LIPA: variants seen among roughly 807,000 people sequenced by gnomAD.
LIPA encodes lysosomal acid lipase/cholesteryl ester hydrolase.
A neutral mutation model predicts 40.6 loss-of-function variants in LIPA; 26 were observed. That is an observed-to-expected ratio of 0.64 (90% CI 0.47 to 0.89). The LOEUF (loss-of-function observed/expected upper bound fraction) is 0.89. Among genes scored for constraint, LIPA ranks in the 40% least tolerant of loss-of-function variants. The probability of loss-of-function intolerance (pLI) is 0.00; values close to 1 mark genes in which losing one functional copy is unlikely to be tolerated. For missense variants in LIPA, 455 were observed against 479.6 expected, an observed-to-expected ratio of 0.95 and a Z score of 0.48; for synonymous variants, 188 against 168.4, an observed-to-expected ratio of 1.12 and a Z score of -0.90.
intron 1 of LIPA, among the ~76,000 whole-genome samples, chr10:89,261,888 G>A (rs7922193): frequency 0.45 from 68,189 of 151,958 alleles, 15,925 homozygotes; most frequent in East Asian, 0.81. Context: ...TGAACAGCCC[G>A]GTTGATTTTT....
chr10:89,410,044 G>C (rs1297643146), intron 2 of LIPA, among the ~76,000 whole-genome samples: 1 of 152,098 alleles, frequency 6.6e-6, no homozygotes, highest in African/African-American at 2.4e-5. Context: ...ATAGCTCCTG[G>C]GGTCCTTACT....
rs1843589886 is a variant in LIPA, at chr10:89,324,680, C to CA, written c.-2+17930dup. On this transcript the variant is annotated intron_variant, in intron 1 of 5. Coordinates refer to the LIPA transcript ENST00000282673. ...TTAAGCAAATTAACAAGCAAAAAAG[C>CA]AAACAGCTCCATTAAAAAGTGGGCA... Among the ~76,000 whole-genome samples, 3 of 152,154 alleles carry CA rather than the reference C, an allele frequency of 2.0e-5. No individual in the cohort carries two copies. In the South Asian group the frequency reaches 6.2e-4, roughly 32 times the overall value.
At chr10:89,297,691 ACT>A (rs1843423311) in intron 1 of LIPA, among the ~76,000 whole-genome samples, 1 of 152,090 alleles carries the variant, frequency 6.6e-6, no homozygotes, top group African/African-American at 2.4e-5. Flanking sequence ...AGCACCACAA[ACT>A]CTGTACTCGG....
chr10:89,332,394 C>T, intron 1 of LIPA: 1 of 1,026,410 alleles, frequency 9.7e-7, no homozygotes, highest in Non-Finnish European at 1.3e-6. Flanking sequence ...CTGTCTGGAA[C>T]ATGTTCCTGG....
chr10:89,347,656 CT>C (rs1475995015), upstream of LIPA, among the ~76,000 whole-genome samples: 2 of 152,124 alleles, frequency 1.3e-5, no homozygotes, highest in Non-Finnish European at 2.9e-5. Context: ...AGTATTTATC[CT>C]CTTTTAAGGA....
In LIPA at chr10:89,228,238, C is replaced by G; in HGVS notation, c.390G>C (p.Lys130Asn). 6.2e-7 allele frequency: 1 copy of G among 1,614,160 alleles called. No homozygotes were observed. Among genetic ancestry groups the G allele is most frequent in the South Asian group, 1.1e-5 (1 of 91,084 alleles). Residue 130 changes from lysine to asparagine, a missense_variant, in exon 4 of 10, where the codon AAG becomes AAC. By Grantham distance (94) the Lys-to-Asn change is moderately conservative. Coordinates refer to ENST00000336233, the MANE Select transcript of LIPA (RefSeq NM_000235.4). The part of the protein sequence containing the change: ...SRGNTWSRKH[K>N]TLSVSQDEFW... ...ATTCATCCTGAGAAACTGAGAGTGT[C>G]TTATGTTTCCGAGACCAGGTATTTC...
At chr10:89,321,661 C>T (rs1276158809) in intron 1 of LIPA, among the ~76,000 whole-genome samples, 2 of 152,186 alleles carry the variant, frequency 1.3e-5, no homozygotes, top group Non-Finnish European at 2.9e-5. Flanking sequence ...GACAGTGTGG[C>T]GATTCCTCAA....
intron 1 of LIPA, among the ~76,000 whole-genome samples, chr10:89,413,766 CAAAA>C (rs376455922): frequency 1.2e-5 from 1 of 82,888 alleles, no homozygotes; most frequent in African/African-American, 5.3e-5. Flanking sequence ...GACCCTGTCT[CAAAA>C]AAAAAAAAAA....
intron 1 of LIPA, chr10:89,306,692 G>A (rs377335206): frequency 6.2e-7 from 1 of 1,614,134 alleles, no homozygotes; most frequent in Middle Eastern, 1.6e-4. Flanking sequence ...AGCCCCAGGT[G>A]TAACAGATGT....
chr10:89,233,470 G>A (rs1842866919), intron 3 of LIPA, among the ~76,000 whole-genome samples: 1 of 152,340 alleles, frequency 6.6e-6, no homozygotes, highest in Admixed American at 6.5e-5. Context: ...ATCTTAAGCA[G>A]TGCACTAGAA....
intron 1 of LIPA, among the ~76,000 whole-genome samples, chr10:89,413,102 C>T (rs977093073): frequency 4.6e-5 from 7 of 152,162 alleles, no homozygotes; most frequent in African/African-American, 1.7e-4. Flanking sequence ...TGAGAACATG[C>T]AGTGTTTGGT....
intron 1 of LIPA, among the ~76,000 whole-genome samples, chr10:89,248,636 G>A (rs1478340329): frequency 1.3e-5 from 2 of 148,500 alleles, no homozygotes; most frequent in Admixed American, 6.7e-5. Flanking sequence ...CACCACGCCC[G>A]GCAAATTTTT....
rs144057304 is a variant in LIPA at position 89,402,263 on chromosome 10, C to A, written c.61+10528G>T. 101 of 1,523,950 alleles carry A rather than the reference C, an allele frequency of 6.6e-5. No homozygotes were observed. The African/African-American group carries it at 1.1e-3, about 16-fold the overall frequency. 94.4% of individuals were successfully genotyped at this position (1,523,950 alleles called of 1,614,324 possible). ...CTGTTCCTCACCTAACAAAGAAAATCTGTTTTTGTTTTTACAGTACAAATG... is the reference window on the plus strand; with the variant it reads ...CTGTTCCTCACCTAACAAAGAAAATATGTTTTTGTTTTTACAGTACAAATG... On this transcript the variant is annotated intron_variant, in intron 2 of 8. Coordinates refer to the LIPA transcript ENST00000371837.
At chr10:89,384,767 G>C (rs766026101) in intron 2 of LIPA, 4 of 1,478,592 alleles carry the variant, frequency 2.7e-6, no homozygotes, top group Non-Finnish European at 3.7e-6. Flanking sequence ...CCATTTAATG[G>C]TCTTATAACT....
chr10:89,380,157 G>C (rs1173634065), intron 2 of LIPA, among the ~76,000 whole-genome samples: 1 of 152,138 alleles, frequency 6.6e-6, no homozygotes, highest in Admixed American at 6.5e-5. Flanking sequence ...AATGGCCTGG[G>C]CGTATGTTTC....
Position 89,411,371 on chromosome 10 carries a change from G to A in LIPA, c.61+1420C>T, listed in dbSNP as rs554549607. On this transcript the variant is annotated intron_variant, in intron 2 of 8. Transcript: ENST00000371837. The stretch of plus-strand genomic sequence containing the variant: ...TGTTAGGAAAATTGCCTAATAATTG[G>A]TCTGCTCAAATGTGTCAGCTGTTTG... Among the ~76,000 whole-genome samples the A allele has an allele frequency of 1.4e-4, 21 of 152,200 alleles. 1 individual carries two copies. In the South Asian group the frequency reaches 4.4e-3, roughly 32 times the overall value.
rs765686956 is a variant in LIPA, at chr10:89,393,167, C to T, written c.61+19624G>A. The stretch of plus-strand genomic sequence containing the variant: ...AATGTGAAAGCCTCAGTCTTGCAGC[C>T]TCTCTGATGTCTTGTGGGTAATACA... On this transcript the variant is annotated intron_variant, in intron 2 of 8. Transcript: ENST00000371837. 4.0e-5 allele frequency: 51 copies of T among 1,290,770 alleles called. No homozygotes were observed. The South Asian group carries it at 4.6e-4, about 12-fold the overall frequency. The allele number at this position is 1,290,770 out of a possible 1,614,324, so 80.0% of individuals were successfully genotyped here. A position where few individuals can be genotyped will look rare whatever the true frequency, so the allele number is the denominator to read the frequency against.
chr10:89,384,660 GA>G, intron 2 of LIPA: 1 of 1,614,228 alleles, frequency 6.2e-7, no homozygotes, highest in East Asian at 2.2e-5. Context: ...TCCACAAATT[GA>G]AAGGAGAAGT....
At chr10:89,277,181 C>T (rs1025785217) in intron 1 of LIPA, among the ~76,000 whole-genome samples, 51 of 152,302 alleles carry the variant, frequency 3.3e-4, no homozygotes, top group African/African-American at 1.0e-3. Flanking sequence ...AAGAATAAAG[C>T]CTGCATGCAG....
Sources: gnomAD v4.1 joint callset for allele counts (sites outside exome capture counted in the v4.1 genomes callset) on GRCh38, gnomAD v4.1.1 for gene constraint, MANE v1.5 for transcripts, NCBI Gene and HGNC (gene_info 2026-07-23, HGNC 2026-07-21) for gene names.